Variants in INPP5A observed in about 807,000 individuals in gnomAD.
INPP5A encodes 43 kDa inositol polyphosphate 5-phophatase.
Under a neutral mutation model 65.2 loss-of-function variants are expected in INPP5A, and 14 were observed. That is an observed-to-expected ratio of 0.21 (90% CI 0.14 to 0.34). The LOEUF (loss-of-function observed/expected upper bound fraction) is 0.34. Ranked by LOEUF, INPP5A falls within the 10% of genes least tolerant of loss-of-function variation. The pLI, the probability that INPP5A is intolerant of heterozygous loss-of-function variation, is 1.00. For missense variants in INPP5A, 431 were observed against 545.6 expected, an observed-to-expected ratio of 0.79 and a Z score of 2.09; for synonymous variants, 207 against 208.3, an observed-to-expected ratio of 0.99 and a Z score of 0.05.
At chr10:132,647,119 T>C (rs2133393509) in intron 3 of INPP5A, among the ~76,000 whole-genome samples, 1 of 152,190 alleles carries the variant, frequency 6.6e-6, no homozygotes, top group Non-Finnish European at 1.5e-5. Context: ...TTTTTTCTTT[T>C]TTTTTTTTTG....
At chr10:132,618,117 A>T (rs778303172) in intron 2 of INPP5A, among the ~76,000 whole-genome samples, 2 of 152,248 alleles carry the variant, frequency 1.3e-5, no homozygotes, top group Non-Finnish European at 2.9e-5. Context: ...TGCAAATATA[A>T]AATGAATAGG....
chr10:132,571,474 T>A (rs912790006), intron 1 of INPP5A, among the ~76,000 whole-genome samples: 1 of 152,252 alleles, frequency 6.6e-6, no homozygotes, highest in African/African-American at 2.4e-5. Context: ...CTGTGTGTGG[T>A]TCTGGGTCAC....
At chr10:132,563,659 A>G (rs1048563960) in intron 1 of INPP5A, among the ~76,000 whole-genome samples, 3 of 152,162 alleles carry the variant, frequency 2.0e-5, no homozygotes, top group Non-Finnish European at 4.4e-5. Context: ...TGTCCTACAG[A>G]AAAATTAAAG....
At chr10:132,609,278 C>T (rs907930694) in intron 2 of INPP5A, among the ~76,000 whole-genome samples, 6 of 152,332 alleles carry the variant, frequency 3.9e-5, no homozygotes, top group South Asian at 4.1e-4. Context: ...ATCTGCTCAG[C>T]GCTCACTTGG....
intron 9 of INPP5A, among the ~76,000 whole-genome samples, chr10:132,733,120 G>A (rs773317580): frequency 1.3e-5 from 2 of 152,262 alleles, no homozygotes; most frequent in South Asian, 2.1e-4. Flanking sequence ...CTCCGTCTGC[G>A]CCTCCATCCT....
Position 132,698,741 on chromosome 10 carries a change from G to T in INPP5A, c.474+822G>T, listed in dbSNP as rs1363719376. On this transcript the variant is annotated intron_variant, in intron 6 of 15. Transcript: ENST00000368594. This position sits in a 1 kb window ranked among gnomAD's most constrained non-coding sequence, Gnocchi z 5.5. Reference sequence around the variant, plus strand: ...TGGACGCAGGTTTGGGGGCGTCCAGGCTGTGATATAGGAGCTCTCGTCCGG... The same window carrying T: ...TGGACGCAGGTTTGGGGGCGTCCAGTCTGTGATATAGGAGCTCTCGTCCGG... Among the ~76,000 whole-genome samples the T allele has an allele frequency of 6.6e-6, 1 of 152,188 alleles. No homozygotes were observed. Among genetic ancestry groups the T allele is most frequent in the Non-Finnish European group, 1.5e-5 (1 of 68,042 alleles).
chr10:132,780,314 C>A lies in INPP5A; in HGVS notation c.1090-535C>A, dbSNP rs73387037. 6.1e-3 allele frequency among the ~76,000 whole-genome samples: 932 copies of A among 152,320 alleles called. 5 individuals are homozygous for A. Among genetic ancestry groups the A allele is most frequent in the African/African-American group, 0.021 (885 of 41,536 alleles). ...GCACACAGCCGTGAATTACTGTGCA[C>A]AGATTGCTTTGTGTAGTGGTGTGGA... On this transcript the variant is annotated intron_variant, in intron 13 of 15. Coordinates refer to ENST00000368594, the MANE Select transcript of INPP5A (RefSeq NM_005539.5).
intron 2 of INPP5A, among the ~76,000 whole-genome samples, chr10:132,630,794 AGGCGGCGGG>A (rs898584267): frequency 3.9e-4 from 49 of 124,572 alleles, no homozygotes; most frequent in Admixed American, 2.5e-3. Flanking sequence ...GGGGGCCGGG[AGGCGGCGGG>A]GGCGGCGGGG....
At chr10:132,556,077 C>T (rs569762575) in intron 1 of INPP5A, among the ~76,000 whole-genome samples, 49 of 152,270 alleles carry the variant, frequency 3.2e-4, no homozygotes, top group African/African-American at 1.1e-3. Flanking sequence ...ACCCAGGCAT[C>T]TGTCCCAGCC....
intron 9 of INPP5A, among the ~76,000 whole-genome samples, chr10:132,744,980 G>T (rs183958761): frequency 8.5e-5 from 13 of 152,156 alleles, no homozygotes; most frequent in Non-Finnish European, 1.6e-4. Context: ...CAGCTTGCGA[G>T]GCCCGGGCTG....
chr10:132,591,243 A>G (rs1761866436), intron 1 of INPP5A, among the ~76,000 whole-genome samples: 1 of 152,246 alleles, frequency 6.6e-6, no homozygotes, highest in African/African-American at 2.4e-5. Context: ...TTGCCATGCC[A>G]AAGTTTAAAA....
In INPP5A at chr10:132,762,932, T is replaced by C. The variant is rs1251673923; in HGVS notation, c.904-2841T>C. On this transcript the variant is annotated intron_variant, in intron 11 of 15. Coordinates refer to ENST00000368594, the MANE Select transcript of INPP5A (RefSeq NM_005539.5). The surrounding 1 kb of genome is among the most constrained non-coding windows in gnomAD (Gnocchi z 4.6). The stretch of plus-strand genomic sequence containing the variant: ...TGAGCCCAGGAGGCAGAGGTTGCAG[T>C]GAGCCGAGATCACATCACTGCACTC... Among the ~76,000 whole-genome samples the C allele has an allele frequency of 6.6e-6, 1 of 152,086 alleles. No individual in the cohort carries two copies. The highest frequency in any genetic ancestry group is 1.5e-5 in the Non-Finnish European group (1 of 68,016).
intron 9 of INPP5A, among the ~76,000 whole-genome samples, chr10:132,742,397 T>G (rs1349209664): frequency 6.6e-6 from 1 of 152,188 alleles, no homozygotes; most frequent in African/African-American, 2.4e-5. Flanking sequence ...GCTCCCAGCT[T>G]TGTCCTGAGC....
intron 5 of INPP5A, among the ~76,000 whole-genome samples, chr10:132,693,818 C>T (rs1845305331): frequency 2.0e-5 from 3 of 152,126 alleles, no homozygotes; most frequent in Admixed American, 1.3e-4. Context: ...AAGATCAGAT[C>T]TCCAAGAATA....
At chr10:132,725,952 C>T (rs559166250) in intron 8 of INPP5A, among the ~76,000 whole-genome samples, 4 of 152,016 alleles carry the variant, frequency 2.6e-5, no homozygotes, top group Admixed American at 6.6e-5. Flanking sequence ...CAAGGGTTCT[C>T]GTGTTGCTTT....
At position 132,697,758 on chromosome 10, in the gene INPP5A, G is replaced by T. The variant is rs1199884705; in HGVS notation, c.371-58G>T. The T allele has an allele frequency of 8.4e-7, 1 of 1,192,038 alleles. No homozygotes were observed. The highest frequency in any genetic ancestry group is 1.5e-5 in the African/African-American group (1 of 66,818). 73.8% of individuals were successfully genotyped at this position (1,192,038 alleles called of 1,614,324 possible). A position where few individuals can be genotyped will look rare whatever the true frequency, so the allele number is the denominator to read the frequency against. On this transcript the variant is annotated intron_variant, in intron 5 of 15. Coordinates refer to ENST00000368594, the MANE Select transcript of INPP5A (RefSeq NM_005539.5). This position sits in a 1 kb window ranked among gnomAD's most constrained non-coding sequence, Gnocchi z 5.6. ...CGGGTGGAAACAGGTTGTGCTCCAG[G>T]CTGGTTGGATGGGGCACAGTGATGG...
intron 4 of INPP5A, among the ~76,000 whole-genome samples, chr10:132,688,986 AGTGT>A (rs943418751): frequency 1.3e-5 from 2 of 151,904 alleles, no homozygotes; most frequent in African/African-American, 4.8e-5. Flanking sequence ...TATGTGTGCA[AGTGT>A]GTGTGAGTGC....
intron 9 of INPP5A, 50 bp from the exon 10 acceptor site, chr10:132,749,467 T>C (rs568308796): frequency 1.3e-6 from 2 of 1,525,036 alleles, no homozygotes; most frequent in Non-Finnish European, 1.8e-6. Flanking sequence ...GACGCTGCCA[T>C]GGGCAGGTGG....
chr10:132,628,143 T>G (rs1213766270), intron 2 of INPP5A, among the ~76,000 whole-genome samples: 1 of 152,212 alleles, frequency 6.6e-6, no homozygotes, highest in African/African-American at 2.4e-5. Flanking sequence ...TCTGGTCTCC[T>G]TTGGAAGACA....
Sources: gnomAD v4.1 joint callset for allele counts (sites outside exome capture counted in the v4.1 genomes callset) on GRCh38, gnomAD v4.1.1 for gene constraint, Gnocchi (gnomAD v3.1) non-coding constraint, MANE v1.5 for transcripts, NCBI Gene and HGNC (gene_info 2026-07-23, HGNC 2026-07-21) for gene names.